CADM2: variants seen among roughly 807,000 people sequenced by gnomAD.
CADM2 encodes immunoglobulin superfamily member 4D.
Under a neutral mutation model 49.8 loss-of-function variants are expected in CADM2, and 12 were observed. That is an observed-to-expected ratio of 0.24 (90% CI 0.15 to 0.39). The LOEUF is 0.39. Ranked by LOEUF, CADM2 falls within the 10% of genes least tolerant of loss-of-function variation. The probability of loss-of-function intolerance (pLI) is 1.00; values close to 1 mark genes in which losing one functional copy is unlikely to be tolerated. For synonymous variants in CADM2, 214 were observed against 175.4 expected, an observed-to-expected ratio of 1.22 and a Z score of -1.74; for missense variants, 378 against 492.3, an observed-to-expected ratio of 0.77 and a Z score of 2.20.
intron 7 of CADM2, among the ~76,000 whole-genome samples, chr3:85,958,226 G>T (rs1724299364): frequency 6.6e-6 from 1 of 151,952 alleles, no homozygotes; most frequent in African/African-American, 2.4e-5. Flanking sequence ...TTAGAGAAAT[G>T]AAAATCAAAA....
chr3:85,058,926 C>T (rs572930061), intron 1 of CADM2, among the ~76,000 whole-genome samples: 12 of 151,528 alleles, frequency 7.9e-5, no homozygotes, highest in Admixed American at 2.6e-4. Flanking sequence ...GTATTCTATA[C>T]TATACATTAT....
In CADM2 at chr3:85,417,893, A is replaced by G. The variant is rs114796143; in HGVS notation, c.62-308629A>G. Among the ~76,000 whole-genome samples the G allele has an allele frequency of 6.9e-3, 1,049 of 152,254 alleles. 9 individuals are homozygous for G. The highest frequency in any genetic ancestry group is 0.023 in the African/African-American group (938 of 41,556). On this transcript the variant is annotated intron_variant, in intron 1 of 9. Transcript: ENST00000383699. ...ATGAAAGTTCATATTTAGAAGGTCTATGATGGATCTGAGATGCTGCAATTT... is the reference window on the plus strand; with the variant it reads ...ATGAAAGTTCATATTTAGAAGGTCTGTGATGGATCTGAGATGCTGCAATTT...
At chr3:85,389,332 A>G (rs911457286) in intron 1 of CADM2, among the ~76,000 whole-genome samples, 1 of 152,120 alleles carries the variant, frequency 6.6e-6, no homozygotes, top group Non-Finnish European at 1.5e-5. Flanking sequence ...AAAATGCTGA[A>G]CAGCATTGAG....
chr3:85,245,546 A>G (rs1418573044), intron 1 of CADM2, among the ~76,000 whole-genome samples: 2 of 151,700 alleles, frequency 1.3e-5, no homozygotes, highest in Non-Finnish European at 2.9e-5. Context: ...AATAAATAAA[A>G]TAAAGGAGAA....
intron 3 of CADM2, among the ~76,000 whole-genome samples, chr3:85,850,160 A>G (rs2075040017): frequency 6.6e-6 from 1 of 152,088 alleles, no homozygotes; most frequent in Admixed American, 6.6e-5. Flanking sequence ...TGGAAACTAT[A>G]GGTCCAGCGG....
At chr3:85,953,514 A>G (rs1406188880) in intron 7 of CADM2, among the ~76,000 whole-genome samples, 1 of 150,924 alleles carries the variant, frequency 6.6e-6, no homozygotes, top group Non-Finnish European at 1.5e-5. Context: ...AAATTCTGCT[A>G]TAATTAAACA....
chr3:85,058,733 C>A (rs1343360366), intron 1 of CADM2, among the ~76,000 whole-genome samples: 6 of 152,086 alleles, frequency 3.9e-5, no homozygotes. Flanking sequence ...GCATGAGCCA[C>A]CGCGCCCAGC....
At chr3:86,014,572 G>A (rs1731969843) in intron 8 of CADM2, 1 of 1,597,172 alleles carries the variant, frequency 6.3e-7, no homozygotes, top group African/African-American at 1.3e-5. Context: ...GAAACACTAA[G>A]TGTCCCAACA....
intron 2 of CADM2, among the ~76,000 whole-genome samples, chr3:85,780,057 A>T (rs1412845621): frequency 6.6e-6 from 1 of 152,200 alleles, no homozygotes; most frequent in East Asian, 1.9e-4. Flanking sequence ...AGTAATGAAT[A>T]ATAATTTCAG....
intron 1 of CADM2, among the ~76,000 whole-genome samples, chr3:85,246,670 T>C (rs1284607999): frequency 1.3e-5 from 2 of 151,746 alleles, no homozygotes; most frequent in African/African-American, 4.9e-5. Context: ...ACCAGATTTC[T>C]AGTACATAGA....
At chr3:85,304,562 G>C (rs992149058) in intron 1 of CADM2, among the ~76,000 whole-genome samples, 2 of 151,754 alleles carry the variant, frequency 1.3e-5, no homozygotes, top group African/African-American at 4.8e-5. Context: ...CTGTCCACCA[G>C]AGGGCATAAA....
chr3:85,032,052 G>A (rs1365367702), intron 1 of CADM2, among the ~76,000 whole-genome samples: 1 of 151,944 alleles, frequency 6.6e-6, no homozygotes, highest in Non-Finnish European at 1.5e-5. Flanking sequence ...TTAATTTTCA[G>A]GATGTTTCTC....
intron 1 of CADM2, among the ~76,000 whole-genome samples, chr3:85,005,220 A>T (rs967185646): frequency 3.3e-5 from 5 of 152,132 alleles, no homozygotes; most frequent in Non-Finnish European, 7.4e-5. Flanking sequence ...CTAGCCTTAT[A>T]ATCTCTATTT....
intron 1 of CADM2, among the ~76,000 whole-genome samples, chr3:85,448,724 C>T (rs1038451270): frequency 6.6e-6 from 1 of 151,904 alleles, no homozygotes; most frequent in African/African-American, 2.4e-5. Context: ...CTCAGTACTA[C>T]CTGAGTTCTC....
intron 5 of CADM2, among the ~76,000 whole-genome samples, chr3:85,896,036 ATC>A (rs746451733): frequency 3.3e-5 from 5 of 152,188 alleles, no homozygotes; most frequent in Middle Eastern, 3.2e-3. Flanking sequence ...CATGCCTCTA[ATC>A]CCAGCCCTTT....
intron 1 of CADM2, among the ~76,000 whole-genome samples, chr3:84,982,052 C>G (rs1191623033): frequency 6.6e-6 from 1 of 152,098 alleles, no homozygotes; most frequent in Admixed American, 6.6e-5. Context: ...AAATTGCCAG[C>G]CTGGTTCTTT....
intron 1 of CADM2, among the ~76,000 whole-genome samples, chr3:85,605,708 A>T (rs2063521847): frequency 6.6e-6 from 1 of 152,090 alleles, no homozygotes; most frequent in African/African-American, 2.4e-5. Flanking sequence ...TTGTAAGAAA[A>T]GCTGGGATGC....
intron 1 of CADM2, among the ~76,000 whole-genome samples, chr3:85,379,790 C>T (rs977826721): frequency 6.6e-6 from 1 of 151,954 alleles, no homozygotes; most frequent in African/African-American, 2.4e-5. Flanking sequence ...TTTGGTGCTC[C>T]ATTAAATTCA....
At chr3:85,439,139 T>C (rs1489192711) in intron 1 of CADM2, among the ~76,000 whole-genome samples, 3 of 148,466 alleles carry the variant, frequency 2.0e-5, no homozygotes. Flanking sequence ...AGTGACTTAA[T>C]AATGACTTAT....
Sources: gnomAD v4.1 joint callset for allele counts (sites outside exome capture counted in the v4.1 genomes callset) on GRCh38, gnomAD v4.1.1 for gene constraint, MANE v1.5 for transcripts, NCBI Gene and HGNC (gene_info 2026-07-23, HGNC 2026-07-21) for gene names.